SHANK2: variants seen among roughly 807,000 people sequenced by gnomAD.
The protein encoded by SHANK2 is SH3 and multiple ankyrin repeat domains 2, also known as SH3 and multiple ankyrin repeat domains protein 2.
SHANK2 carries 43 observed loss-of-function variants against 133.7 expected under a neutral mutation model. The ratio of observed to expected loss-of-function variants is 0.32; its 90% CI spans 0.25 to 0.41. The LOEUF is 0.41. Ranked by LOEUF, SHANK2 falls within the 10% of genes least tolerant of loss-of-function variation. The probability of loss-of-function intolerance (pLI) is 1.00; values close to 1 mark genes in which losing one functional copy is unlikely to be tolerated. For synonymous variants in SHANK2, 1,017 were observed against 952.8 expected, an observed-to-expected ratio of 1.07 and a Z score of -1.24; for missense variants, 1,994 against 2,235.8, an observed-to-expected ratio of 0.89 and a Z score of 2.18.
chr11:70,663,016 A>AGCGTGGAGGGAGGCC (rs1944603044), intron 15 of SHANK2, among the ~76,000 whole-genome samples: 1 of 152,110 alleles, frequency 6.6e-6, no homozygotes, highest in Admixed American at 6.5e-5. Flanking sequence ...GGAGGGAGGC[A>AGCGTGGAGGGAGGCC]GCGTGGAGGG....
intron 17 of SHANK2, among the ~76,000 whole-genome samples, chr11:70,612,598 G>A (rs782670971): frequency 2.0e-5 from 3 of 152,138 alleles, no homozygotes; most frequent in Admixed American, 6.5e-5. Flanking sequence ...GAAACTCCAC[G>A]AAGAAAAATG....
chr11:70,544,659 G>A (rs2059666796), intron 17 of SHANK2, among the ~76,000 whole-genome samples: 2 of 152,214 alleles, frequency 1.3e-5, no homozygotes, highest in African/African-American at 4.8e-5. Context: ...TTGGGACCAG[G>A]AGCGGGGTGG....
At chr11:71,097,228 T>C (rs1034271572) in intron 6 of SHANK2, among the ~76,000 whole-genome samples, 1 of 152,134 alleles carries the variant, frequency 6.6e-6, no homozygotes, top group Admixed American at 6.5e-5. Flanking sequence ...CGCCCTGGCT[T>C]AGCCACCACA....
intron 2 of SHANK2, among the ~76,000 whole-genome samples, chr11:71,162,060 T>G (rs782118564): frequency 6.6e-6 from 1 of 152,250 alleles, no homozygotes; most frequent in Non-Finnish European, 1.5e-5. Flanking sequence ...CTTTTTGTTC[T>G]GGAGCATCAC....
chr11:71,151,074 T>C (rs1555107978), intron 2 of SHANK2, among the ~76,000 whole-genome samples: 1 of 152,040 alleles, frequency 6.6e-6, no homozygotes, highest in East Asian at 1.9e-4. Flanking sequence ...CAGCCCCACC[T>C]CACTATGTCC....
chr11:70,850,678 C>A (rs1555065175), intron 11 of SHANK2, among the ~76,000 whole-genome samples: 1 of 152,150 alleles, frequency 6.6e-6, no homozygotes, highest in African/African-American at 2.4e-5. Flanking sequence ...CCCGTGGGCT[C>A]CTGGGGAGAG....
In SHANK2 at chr11:70,948,209, GTACCATTCCA is replaced by G. The variant is rs1468447270; in HGVS notation, c.1108-51652_1108-51643del. The G allele has an allele frequency of 1.1e-5, 5 of 452,830 alleles. No homozygotes were observed. The East Asian group carries it at 3.5e-4, about 32-fold the overall frequency. 28.1% of individuals were successfully genotyped at this position (452,830 alleles called of 1,614,324 possible). A position where few individuals can be genotyped will look rare whatever the true frequency, so the allele number is the denominator to read the frequency against. ...AACTCGCTTCCGCATTGCCAGCTCC[GTACCATTCCA>G]CCCTCACCCTGCTGTATTTTTCTTC... On this transcript the variant is annotated intron_variant, in intron 10 of 25. Transcript: ENST00000601538.
At chr11:70,606,056 C>T (rs140678546) in intron 17 of SHANK2, among the ~76,000 whole-genome samples, 21 of 152,248 alleles carry the variant, frequency 1.4e-4, no homozygotes, top group African/African-American at 4.3e-4. Flanking sequence ...GACAGCAGAT[C>T]GGGGCTGCTT....
In SHANK2 at chr11:71,102,804, G is replaced by C. The variant is rs189296972; in HGVS notation, c.592+7137C>G. Among the ~76,000 whole-genome samples the C allele has an allele frequency of 8.4e-3, 1,282 of 152,350 alleles. 10 individuals carry two copies. Among genetic ancestry groups the C allele is most frequent in the Non-Finnish European group, 0.014 (952 of 68,028 alleles). On this transcript the variant is annotated intron_variant, in intron 6 of 25. Transcript: ENST00000601538. ...CCAGGGCAAGTGGAGCCCAGGCCCT[G>C]CCTCTGCCCTCCCTGGTGACTCAGT... is the stretch of plus-strand genomic sequence containing the variant.
intron 2 of SHANK2, among the ~76,000 whole-genome samples, chr11:71,180,567 A>C (rs1162841047): frequency 2.6e-5 from 4 of 152,144 alleles, no homozygotes; most frequent in Admixed American, 2.6e-4. Context: ...AAAAAACCCC[A>C]CACACAAAGT....
chr11:70,614,293 T>C (rs2060707484), intron 17 of SHANK2, among the ~76,000 whole-genome samples: 1 of 150,292 alleles, frequency 6.7e-6, no homozygotes, highest in East Asian at 2.0e-4. Flanking sequence ...TTTGCTGTTT[T>C]AAGCCAGACA....
At chr11:70,851,058 A>C (rs1949079578) in intron 11 of SHANK2, among the ~76,000 whole-genome samples, 1 of 152,198 alleles carries the variant, frequency 6.6e-6, no homozygotes, top group African/African-American at 2.4e-5. Flanking sequence ...GCTGGGACCC[A>C]GCCCTGTAGG....
intron 17 of SHANK2, among the ~76,000 whole-genome samples, chr11:70,521,214 T>C (rs1554970954): frequency 6.6e-6 from 1 of 152,250 alleles, no homozygotes; most frequent in Non-Finnish European, 1.5e-5. Flanking sequence ...ATGACTGCCA[T>C]TAAGGTCATG....
intron 21 of SHANK2, among the ~76,000 whole-genome samples, chr11:70,493,984 G>T (rs2058933727): frequency 6.6e-6 from 1 of 152,154 alleles, no homozygotes; most frequent in South Asian, 2.1e-4. Context: ...TTCTCACGGG[G>T]AGCTGACCCA....
chr11:70,825,755 G>A (rs12295625), intron 11 of SHANK2, among the ~76,000 whole-genome samples: 11,402 of 150,130 alleles, frequency 0.076, 473 homozygotes, highest in Middle Eastern at 0.19. Context: ...TCTCTAACTG[G>A]AACCATCCAT....
intron 22 of SHANK2, 123 bp from the exon 23 acceptor site, chr11:70,490,510 C>T: frequency 3.7e-6 from 3 of 809,276 alleles, no homozygotes; most frequent in Non-Finnish European, 6.4e-6. Flanking sequence ...TCTGGAGCCA[C>T]CTAAAGTCTC....
At chr11:70,513,170 T>G (rs1327229916) in intron 17 of SHANK2, among the ~76,000 whole-genome samples, 2 of 152,104 alleles carry the variant, frequency 1.3e-5, no homozygotes, top group South Asian at 2.1e-4. Context: ...TTTGTTTTTT[T>G]TTTTTAAATC....
In SHANK2 at chr11:71,163,097, CAT is replaced by C. The variant is rs11271716; in HGVS notation, c.-12-15761_-12-15760del. ...AAAAAAAAAAAAAAAAAAAAAAATA[CAT>C]ATATATATATATACAGAATAGAAAC... On this transcript the variant is annotated intron_variant, in intron 2 of 25. Coordinates refer to ENST00000601538, the MANE Select transcript of SHANK2 (RefSeq NM_012309.5). Among the ~76,000 whole-genome samples the C allele has an allele frequency of 6.1e-4, 61 of 100,104 alleles. 7 individuals are homozygous for C. The highest frequency in any genetic ancestry group is 7.8e-4 in the South Asian group (2 of 2,548). The allele number at this position is 100,104 out of a possible 152,430, so 65.7% of individuals were successfully genotyped here.
chr11:70,938,812 AG>A (rs1555083854), intron 10 of SHANK2, among the ~76,000 whole-genome samples: 1 of 152,136 alleles, frequency 6.6e-6, no homozygotes, highest in Non-Finnish European at 1.5e-5. Context: ...ACACACCTAG[AG>A]CATGGAATGC....
Sources: gnomAD v4.1 joint callset for allele counts (sites outside exome capture counted in the v4.1 genomes callset) on GRCh38, gnomAD v4.1.1 for gene constraint, MANE v1.5 for transcripts, NCBI Gene and HGNC (gene_info 2026-07-23, HGNC 2026-07-21) for gene names.